The following CTNNA2 variants were observed in gnomAD, a reference collection of about 807,000 sequenced individuals.
CTNNA2 encodes catenin alpha 2, also known as catenin alpha-2.
Under a neutral mutation model 101.0 loss-of-function variants are expected in CTNNA2, and 42 were observed. That is an observed-to-expected ratio of 0.42 (90% CI 0.32 to 0.54). The LOEUF (loss-of-function observed/expected upper bound fraction) is 0.54, where lower values mean the gene tolerates loss of function less well. Ranked by LOEUF, CTNNA2 falls within the 20% of genes least tolerant of loss-of-function variation. CTNNA2 has a pLI of 0.14. For synonymous variants in CTNNA2, 450 were observed against 456.4 expected, an observed-to-expected ratio of 0.99 and a Z score of 0.18; for missense variants, 871 against 1,223.1, an observed-to-expected ratio of 0.71 and a Z score of 4.29.
chr2:79,325,564 A>G (rs757558275), intron 3 of CTNNA2, among the ~76,000 whole-genome samples: 12 of 152,232 alleles, frequency 7.9e-5, no homozygotes, highest in Non-Finnish European at 1.5e-4. Context: ...TCAATCAGGA[A>G]AAATGTATTG....
chr2:79,686,933 G>T (rs1453603656), intron 2 of CTNNA2, among the ~76,000 whole-genome samples: 2 of 152,238 alleles, frequency 1.3e-5, no homozygotes, highest in African/African-American at 2.4e-5. Flanking sequence ...GGAATAGAAT[G>T]GTTGCACCCA....
intron 13 of CTNNA2, chr2:80,578,922 T>C (rs1695297686): frequency 6.6e-6 from 1 of 150,738 alleles, no homozygotes; most frequent in Non-Finnish European, 1.5e-5. Flanking sequence ...TGTTATATTT[T>C]ATTATTAAGC....
chr2:80,038,099 G>T (rs1432805326), intron 7 of CTNNA2, among the ~76,000 whole-genome samples: 1 of 152,038 alleles, frequency 6.6e-6, no homozygotes, highest in Non-Finnish European at 1.5e-5. Context: ...TTCTCTCATG[G>T]ACTTAAAAAT....
At chr2:79,414,437 G>A (rs910487441) in intron 4 of CTNNA2, among the ~76,000 whole-genome samples, 21 of 151,816 alleles carry the variant, frequency 1.4e-4, no homozygotes, top group Admixed American at 5.9e-4. Flanking sequence ...GTTATCAAAC[G>A]CTCATACACA....
chr2:80,278,797 T>C (rs781152439), intron 7 of CTNNA2, among the ~76,000 whole-genome samples: 1 of 151,824 alleles, frequency 6.6e-6, no homozygotes, highest in Non-Finnish European at 1.5e-5. Flanking sequence ...TGAGACCCCA[T>C]CTCTACTAAA....
At chr2:79,904,411 A>T (rs1443459546) in intron 6 of CTNNA2, among the ~76,000 whole-genome samples, 1 of 152,226 alleles carries the variant, frequency 6.6e-6, no homozygotes, top group Non-Finnish European at 1.5e-5. Flanking sequence ...AAAGGACAGC[A>T]TGACAGATAA....
chr2:79,533,945 C>T (rs6547244), intron 1 of CTNNA2, among the ~76,000 whole-genome samples: 3,400 of 152,156 alleles, frequency 0.022, 135 homozygotes, highest in African/African-American at 0.079. Flanking sequence ...CAACTGGCAT[C>T]CTGCAGAATC....
At position 80,648,570 on chromosome 2, in the gene CTNNA2, A is replaced by ACGGTGACCAATCTTGCTTTC. The variant is rs1421156615; in HGVS notation, c.*699_*718dup. 6.6e-6 allele frequency: 1 copy of ACGGTGACCAATCTTGCTTTC among 151,776 alleles called. No homozygotes were observed. Among genetic ancestry groups the ACGGTGACCAATCTTGCTTTC allele is most frequent in the African/African-American group, 2.4e-5 (1 of 41,326 alleles). The allele number at this position is 151,776 out of a possible 1,614,324, so 9.4% of individuals were successfully genotyped here. Reference sequence around the variant, plus strand: ...CTTCTGGGGGCACTGGAAGCACAATACGGTGACCAATCTTGCTTTCATTTT... The same window carrying ACGGTGACCAATCTTGCTTTC: ...CTTCTGGGGGCACTGGAAGCACAATACGGTGACCAATCTTGCTTTCCGGTGACCAATCTTGCTTTCATTTT... On this transcript the variant is annotated 3_prime_UTR_variant, in exon 19 of 19. Coordinates refer to ENST00000402739, the MANE Select transcript of CTNNA2 (RefSeq NM_001282597.3).
At chr2:80,102,378 A>G (rs1700597953) in intron 7 of CTNNA2, among the ~76,000 whole-genome samples, 1 of 152,178 alleles carries the variant, frequency 6.6e-6, no homozygotes, top group African/African-American at 2.4e-5. Context: ...ATTGCTCTCC[A>G]GGACAATCTG....
intron 2 of CTNNA2, among the ~76,000 whole-genome samples, chr2:79,297,536 G>A (rs928452856): frequency 6.6e-5 from 10 of 152,152 alleles, no homozygotes; most frequent in African/African-American, 2.2e-4. Context: ...AGACTTCATG[G>A]TTCATTTTGT....
At chr2:79,249,019 T>C (rs1414368571) in intron 2 of CTNNA2, among the ~76,000 whole-genome samples, 1 of 152,178 alleles carries the variant, frequency 6.6e-6, no homozygotes, top group East Asian at 1.9e-4. Flanking sequence ...GACCTGTTAA[T>C]TTCACAGGCT....
At chr2:80,069,596 T>C (rs897915496) in intron 7 of CTNNA2, among the ~76,000 whole-genome samples, 2 of 152,198 alleles carry the variant, frequency 1.3e-5, no homozygotes, top group Non-Finnish European at 2.9e-5. Context: ...AACTTCAATA[T>C]TATGATGTGA....
intron 3 of CTNNA2, among the ~76,000 whole-genome samples, chr2:79,365,670 G>A (rs998822780): frequency 2.0e-5 from 3 of 151,622 alleles, no homozygotes. Context: ...GAAGTGGGGG[G>A]GACATGACAA....
At chr2:79,216,429 A>T (rs1674260541) in intron 2 of CTNNA2, among the ~76,000 whole-genome samples, 1 of 151,682 alleles carries the variant, frequency 6.6e-6, no homozygotes, top group South Asian at 2.1e-4. Flanking sequence ...GGGTGCAGAG[A>T]TAAGAGGTCG....
chr2:79,287,131 A>T (rs1385270525), intron 2 of CTNNA2, among the ~76,000 whole-genome samples: 2 of 151,912 alleles, frequency 1.3e-5, no homozygotes, highest in Admixed American at 6.6e-5. Flanking sequence ...ACTTCTCTGT[A>T]TTGGTTATTC....
chr2:79,865,383 T>C (rs1013425155), intron 4 of CTNNA2, among the ~76,000 whole-genome samples: 1 of 152,212 alleles, frequency 6.6e-6, no homozygotes, highest in Non-Finnish European at 1.5e-5. Flanking sequence ...GATAGTTATT[T>C]TTAAATTTCA....
intron 7 of CTNNA2, among the ~76,000 whole-genome samples, chr2:80,067,057 A>G (rs1698033466): frequency 6.6e-6 from 1 of 152,198 alleles, no homozygotes; most frequent in South Asian, 2.1e-4. Flanking sequence ...GAAGCAGAGA[A>G]TAGAATGATG....
chr2:80,239,471 G>A (rs1189522480), intron 7 of CTNNA2, among the ~76,000 whole-genome samples: 2 of 152,112 alleles, frequency 1.3e-5, no homozygotes, highest in African/African-American at 2.4e-5. Flanking sequence ...TCTTATCCAC[G>A]GGGAATACGT....
rs75175456 is a variant in CTNNA2 at position 80,029,246 on chromosome 2, A to G, written c.1056+119449A>G. On this transcript the variant is annotated intron_variant, in intron 7 of 18. Coordinates refer to ENST00000402739, the MANE Select transcript of CTNNA2 (RefSeq NM_001282597.3). The stretch of plus-strand genomic sequence containing the variant: ...ACTGCCCTTGTCATCCTTATTTTAC[A>G]AAATAGGAAACTAGGACTCTGGCCC... Among the ~76,000 whole-genome samples the G allele has an allele frequency of 9.9e-3, 1,512 of 152,306 alleles. 23 individuals are homozygous for G. The highest frequency in any genetic ancestry group is 0.034 in the African/African-American group (1,420 of 41,550).
Sources: allele counts gnomAD v4.1 joint callset (sites outside exome capture counted in the v4.1 genomes callset), GRCh38; gene constraint gnomAD v4.1.1; transcripts MANE v1.5; gene names NCBI Gene and HGNC (gene_info 2026-07-23, HGNC 2026-07-21).